Variants in PAX2 observed in about 807,000 individuals in gnomAD.
PAX2 encodes paired box protein Pax-2.
PAX2 carries 9 observed loss-of-function variants against 41.7 expected under a neutral mutation model. That is an observed-to-expected ratio of 0.22 (90% CI 0.13 to 0.38). The LOEUF is 0.38. PAX2 is among the 10% of genes least tolerant of loss of function. The pLI is 1.00. For synonymous variants in PAX2, 221 were observed against 212.7 expected (o/e 1.04, Z -0.34); for missense variants, 418 against 531.6 (o/e 0.79, Z 2.10).
In PAX2 at chr10:100,809,227, G is replaced by C. The variant is rs761133461; in HGVS notation, c.910G>C (p.Val304Leu). 1 of 1,613,664 alleles carries C rather than the reference G, an allele frequency of 6.2e-7. No homozygotes were observed. The highest frequency in any genetic ancestry group is 8.5e-7 in the Non-Finnish European group (1 of 1,179,840). The change falls in exon 7 of 10, where the codon GTT (valine) becomes CTT (leucine). Residue 304 changes from valine to leucine, a missense_variant. By Grantham distance (32) the Val-to-Leu change is conservative. Coordinates refer to ENST00000355243, the MANE Select transcript of PAX2 (RefSeq NM_000278.5). The stretch of plus-strand genomic sequence containing the variant: ...CGTGTCAGGCACACAGACATACCCA[G>C]TTGTGACTGGTAAGGGGGCTTCCAG... ...SNVSGTQTYPVVTGRDMASTT... is the reference protein window; with the variant it reads ...SNVSGTQTYPLVTGRDMASTT...
intron 5 of PAX2, among the ~76,000 whole-genome samples, chr10:100,797,807 A>G (rs1420789190): frequency 1.3e-5 from 2 of 152,198 alleles, no homozygotes; most frequent in East Asian, 3.9e-4. Context: ...CAAGTGAGCA[A>G]CAAAACTAGG....
intron 5 of PAX2, among the ~76,000 whole-genome samples, chr10:100,798,408 AC>A (rs1376078987): frequency 6.6e-6 from 1 of 151,750 alleles, no homozygotes; most frequent in Non-Finnish European, 1.5e-5. Context: ...GAGCCACTGC[AC>A]CCGGCCCACT....
chr10:100,819,700 T>C (rs546303187), intron 7 of PAX2, among the ~76,000 whole-genome samples: 2 of 152,350 alleles, frequency 1.3e-5, no homozygotes, highest in East Asian at 1.9e-4. Flanking sequence ...GAATGCTAGG[T>C]AGTCCTGGCC....
intron 5 of PAX2, among the ~76,000 whole-genome samples, chr10:100,795,584 T>C (rs1055422661): frequency 6.6e-6 from 1 of 152,232 alleles, no homozygotes; most frequent in Non-Finnish European, 1.5e-5. Flanking sequence ...ATAAATTAAC[T>C]GTATAATAAT....
chr10:100,757,668 G>A (rs1845681300), intron 3 of PAX2, among the ~76,000 whole-genome samples: 1 of 152,248 alleles, frequency 6.6e-6, no homozygotes, highest in Admixed American at 6.5e-5. Flanking sequence ...GGTGGGCAGA[G>A]CTCACCCCAG....
At chr10:100,809,078 T>C (rs1367226743) in intron 6 of PAX2, 32 bp from the exon 7 acceptor site, 2 of 1,607,426 alleles carry the variant, frequency 1.2e-6, no homozygotes, top group Non-Finnish European at 1.7e-6. Context: ...CGTGCATCAA[T>C]AGAGAGCTGT....
In PAX2 at chr10:100,824,973, G is replaced by T; in HGVS notation, c.1021+224G>T. The stretch of plus-strand genomic sequence containing the variant: ...GAAGCTTGCAGAAGTGCCCCCTTGT[G>T]TGCAACCCACTGTATGTCATGGCCC... On this transcript the variant is annotated intron_variant, in intron 8 of 9. Transcript: ENST00000355243. This position sits in a 1 kb window ranked among gnomAD's most constrained non-coding sequence, Gnocchi z 6.6. 1 of 1,613,898 alleles carries T rather than the reference G, an allele frequency of 6.2e-7. No homozygotes were observed.
intron 1 of PAX2, among the ~76,000 whole-genome samples, chr10:100,746,734 G>A (rs1407260325): frequency 6.6e-6 from 1 of 152,084 alleles, no homozygotes; most frequent in East Asian, 1.9e-4. Flanking sequence ...CTCTTCCTCT[G>A]TTTGCCTCCC....
intron 3 of PAX2, among the ~76,000 whole-genome samples, chr10:100,774,343 C>T (rs1846311853): frequency 6.6e-6 from 1 of 152,164 alleles, no homozygotes; most frequent in African/African-American, 2.4e-5. Flanking sequence ...CTCTGAAGTC[C>T]TGCCACGACC....
rs1355263314 is a variant in PAX2, at chr10:100,827,822, G to A, written c.*203G>A. The A allele has an allele frequency of 1.2e-5, 9 of 726,416 alleles. No individual in the cohort carries two copies. The highest frequency in any genetic ancestry group is 1.8e-5 in the Non-Finnish European group (8 of 446,334). The allele number at this position is 726,416 out of a possible 1,614,324, so 45.0% of individuals were successfully genotyped here. A position where few individuals can be genotyped will look rare whatever the true frequency, so the allele number is the denominator to read the frequency against. Reference sequence around the variant, plus strand: ...GGACAGGACGGGTGGAGCCGTGGGCGGGACCCTCAGGCCCGGGCCCGCCGC... The same window carrying A: ...GGACAGGACGGGTGGAGCCGTGGGCAGGACCCTCAGGCCCGGGCCCGCCGC... On this transcript the variant is annotated 3_prime_UTR_variant, in exon 10 of 10. Coordinates refer to ENST00000355243, the MANE Select transcript of PAX2 (RefSeq NM_000278.5). This position sits in a 1 kb window ranked among gnomAD's most constrained non-coding sequence, Gnocchi z 8.5.
intron 5 of PAX2, among the ~76,000 whole-genome samples, chr10:100,783,891 CTT>C (rs946995820): frequency 6.6e-6 from 1 of 152,082 alleles, no homozygotes; most frequent in Non-Finnish European, 1.5e-5. Context: ...AGGCCTCACT[CTT>C]TTTTGAGAGA....
At chr10:100,741,169 C>T (rs1470939733), upstream of PAX2, among the ~76,000 whole-genome samples, 2 of 152,106 alleles carry the variant, frequency 1.3e-5, no homozygotes, top group African/African-American at 4.8e-5. Context: ...CTCCACAGGA[C>T]CAACAGACCG....
chr10:100,773,612 TA>T (rs1846286102), intron 3 of PAX2, among the ~76,000 whole-genome samples: 1 of 152,218 alleles, frequency 6.6e-6, no homozygotes, highest in Admixed American at 6.5e-5. Context: ...TATTGATTTG[TA>T]AAAAGTTCCC....
At chr10:100,812,115 G>A (rs1848009063) in intron 7 of PAX2, among the ~76,000 whole-genome samples, 1 of 152,238 alleles carries the variant, frequency 6.6e-6, no homozygotes, top group Non-Finnish European at 1.5e-5. Flanking sequence ...AGCAAGGGTG[G>A]CTGCCGGAGG....
intron 7 of PAX2, among the ~76,000 whole-genome samples, chr10:100,820,975 G>T (rs114101583): frequency 6.6e-6 from 1 of 152,188 alleles, no homozygotes; most frequent in African/African-American, 2.4e-5. Context: ...TAAAGGAGGT[G>T]CTGTGCTGTT....
At chr10:100,787,619 A>G (rs41300237) in intron 5 of PAX2, among the ~76,000 whole-genome samples, 7,261 of 152,052 alleles carry the variant, frequency 0.048, 254 homozygotes, top group Non-Finnish European at 0.075. Flanking sequence ...CTTTTTCCCA[A>G]CGCTGGGCAG....
At chr10:100,820,104 T>G (rs909847748) in intron 7 of PAX2, among the ~76,000 whole-genome samples, 8 of 152,258 alleles carry the variant, frequency 5.3e-5, no homozygotes, top group African/African-American at 1.9e-4. Context: ...CACAGGAGAT[T>G]AATACTCCAC....
At chr10:100,771,425 C>G (rs940896879) in intron 3 of PAX2, among the ~76,000 whole-genome samples, 4 of 152,224 alleles carry the variant, frequency 2.6e-5, no homozygotes, top group African/African-American at 9.6e-5. Flanking sequence ...CAGCCAGAGG[C>G]TACAAAAACA....
chr10:100,771,065 G>A (rs899255642), intron 3 of PAX2, among the ~76,000 whole-genome samples: 1 of 152,194 alleles, frequency 6.6e-6, no homozygotes, highest in Non-Finnish European at 1.5e-5. Flanking sequence ...ATTTTAGCAA[G>A]CACCCCAGGG....
Sources: allele counts gnomAD v4.1 joint callset (sites outside exome capture counted in the v4.1 genomes callset), GRCh38; gene constraint gnomAD v4.1.1; non-coding constraint Gnocchi (gnomAD v3.1); transcripts MANE v1.5; gene names NCBI Gene and HGNC (gene_info 2026-07-23, HGNC 2026-07-21).